PAOX: variants seen among roughly 807,000 people sequenced by gnomAD.
PAOX encodes peroxisomal N(1)-acetyl-spermine/spermidine oxidase.
A neutral mutation model predicts 39.0 loss-of-function variants in PAOX; 38 were observed. That is an observed-to-expected ratio of 0.97 (90% CI 0.75 to 1.28). The LOEUF (loss-of-function observed/expected upper bound fraction) is 1.28. Among genes scored for constraint, PAOX ranks in the 50% most tolerant of loss-of-function variants. The pLI, the probability that PAOX is intolerant of heterozygous loss-of-function variation, is 0.00. For synonymous variants in PAOX, 311 were observed against 314.4 expected, an observed-to-expected ratio of 0.99 and a Z score of 0.11; for missense variants, 667 against 685.7, an observed-to-expected ratio of 0.97 and a Z score of 0.30.
intron 2 of PAOX, among the ~76,000 whole-genome samples, chr10:133,380,969 C>G (rs572390380): frequency 1.3e-5 from 2 of 152,234 alleles, no homozygotes; most frequent in Non-Finnish European, 2.9e-5. Context: ...CAGAGTGAGA[C>G]TCCATCTCAA....
chr10:133,391,087 T>G lies in PAOX; in HGVS notation c.1393-225T>G, dbSNP rs1849666741. On this transcript the variant is annotated intron_variant, in intron 6 of 6. Coordinates refer to ENST00000278060, the MANE Select transcript of PAOX (RefSeq NM_152911.4). ...GCGTGTGAGCCGTTTTCCTGGCTGT[T>G]GATGGATACATGTGAGCTGTTTTCC... 3 of 654,174 alleles carry G rather than the reference T, an allele frequency of 4.6e-6. No individual in the cohort carries two copies. The East Asian group carries it at 8.0e-5, about 18-fold the overall frequency. The allele number at this position is 654,174 out of a possible 1,614,324, so 40.5% of individuals were successfully genotyped here.
chr10:133,380,655 A>G (rs761702228), intron 2 of PAOX, among the ~76,000 whole-genome samples, 170 bp downstream of exon 2: 21 of 152,236 alleles, frequency 1.4e-4, no homozygotes, highest in Non-Finnish European at 2.8e-4. Context: ...TTAAGCCAAA[A>G]AAGTTATTTC....
Position 133,379,279 on chromosome 10 carries a change from C to T in PAOX, c.-38C>T. On this transcript the variant is annotated 5_prime_UTR_variant, in exon 1 of 7. Coordinates refer to ENST00000278060, the MANE Select transcript of PAOX (RefSeq NM_152911.4). The stretch of plus-strand genomic sequence containing the variant: ...CCTCCTCCGAGAGCTCCAGACCTCC[C>T]GGCTACTCAGAAGCCCTCGGACTGC... 2 of 1,207,478 alleles carry T rather than the reference C, an allele frequency of 1.7e-6. No individual in the cohort carries two copies. Among genetic ancestry groups the T allele is most frequent in the South Asian group, 4.2e-5 (1 of 23,532 alleles). 74.8% of individuals were successfully genotyped at this position (1,207,478 alleles called of 1,614,324 possible). A position where few individuals can be genotyped will look rare whatever the true frequency, so the allele number is the denominator to read the frequency against.
chr10:133,391,064 G>A (rs527499172), intron 6 of PAOX: 32 of 697,680 alleles, frequency 4.6e-5, no homozygotes, highest in Non-Finnish European at 7.1e-5. Flanking sequence ...TGGTGGATGC[G>A]TGTGAGCCGT....
At chr10:133,388,825 TCCCGGGG>T in intron 4 of PAOX, 124 bp from the exon 5 acceptor site, 1 of 254,880 alleles carries the variant, frequency 3.9e-6, no homozygotes, top group Non-Finnish European at 6.8e-6. Flanking sequence ...GACACTGTCA[TCCCGGGG>T]CTCTCTTTCT....
chr10:133,380,477 C>G lies in PAOX; in HGVS notation c.660C>G (p.Thr220=), dbSNP rs1849335582. 1 of 1,605,804 alleles carries G rather than the reference C, an allele frequency of 6.2e-7. No individual in the cohort carries two copies. The highest frequency in any genetic ancestry group is 1.3e-5 in the African/African-American group (1 of 74,866). The part of the protein sequence containing the change: ...EYTVLPGLDC[T]FSKGYQGLTN... ...CCGTGCTGCCGGGGCTGGACTGCACCTTTTCTAAGTGCGTGCCTGAGCCCC... is the reference window on the plus strand; with the variant it reads ...CCGTGCTGCCGGGGCTGGACTGCACGTTTTCTAAGTGCGTGCCTGAGCCCC... Residue 220 remains threonine, a synonymous_variant, in exon 2 of 7, where the codon ACC becomes ACG. Transcript: ENST00000278060.
chr10:133,386,626 C>G (rs1428613152), intron 4 of PAOX, among the ~76,000 whole-genome samples: 1 of 151,966 alleles, frequency 6.6e-6, no homozygotes, highest in Admixed American at 6.6e-5. Context: ...AGGTGCCCAC[C>G]ACCACACCCG....
At chr10:133,381,330 C>A in intron 2 of PAOX, 130 bp from the exon 3 acceptor site, 1 of 818,004 alleles carries the variant, frequency 1.2e-6, no homozygotes, top group Non-Finnish European at 2.0e-6. Flanking sequence ...GACCTCCTTG[C>A]TGGCCCTGAG....
At chr10:133,382,557 G>A (rs183504586) in intron 3 of PAOX, among the ~76,000 whole-genome samples, 32 of 152,224 alleles carry the variant, frequency 2.1e-4, no homozygotes, top group Middle Eastern at 3.4e-3. Flanking sequence ...TGAGGCAGGC[G>A]GATCACCTGA....
chr10:133,381,750 G>A (rs990872721), intron 3 of PAOX, 91 bp downstream of exon 3: 22 of 1,338,062 alleles, frequency 1.6e-5, no homozygotes, highest in Non-Finnish European at 2.2e-5. Flanking sequence ...GTTTGCTTGT[G>A]TACGAAGCTC....
At chr10:133,385,524 G>T (rs575701120) in intron 4 of PAOX, among the ~76,000 whole-genome samples, 1 of 152,228 alleles carries the variant, frequency 6.6e-6, no homozygotes, top group African/African-American at 2.4e-5. Context: ...AAAGGGTTGG[G>T]GATCTCAAAG....
At chr10:133,385,805 G>C (rs944904015) in intron 4 of PAOX, among the ~76,000 whole-genome samples, 6 of 151,984 alleles carry the variant, frequency 3.9e-5, no homozygotes, top group Non-Finnish European at 7.4e-5. Flanking sequence ...GGATGGTCTC[G>C]ATCTCCTGAC....
At chr10:133,379,798 C>T (rs1849302334) in intron 1 of PAOX, 2 of 673,996 alleles carry the variant, frequency 3.0e-6, no homozygotes, top group Non-Finnish European at 4.5e-6. Flanking sequence ...TGGTCCACAC[C>T]GCCCGACAAG....
At chr10:133,383,394 C>T (rs1193227264) in intron 3 of PAOX, among the ~76,000 whole-genome samples, 3 of 151,096 alleles carry the variant, frequency 2.0e-5, no homozygotes. Context: ...CCTGAGGTCA[C>T]GAGTTCAAGA....
At position 133,384,344 on chromosome 10, in the gene PAOX, C is replaced by T; in HGVS notation, c.1121+132C>T. 7.2e-7 allele frequency: 1 copy of T among 1,387,882 alleles called. No homozygotes were observed. Among genetic ancestry groups the T allele is most frequent in the Non-Finnish European group, 9.8e-7 (1 of 1,025,434 alleles). The allele number at this position is 1,387,882 out of a possible 1,614,324, so 86.0% of individuals were successfully genotyped here. A position where few individuals can be genotyped will look rare whatever the true frequency, so the allele number is the denominator to read the frequency against. Reference sequence around the variant, plus strand: ...TAATGGGTAGGGTTCCCATGAGCGCCCCCCCACCAGGTGCTGGCTGCACCT... The same window carrying T: ...TAATGGGTAGGGTTCCCATGAGCGCTCCCCCACCAGGTGCTGGCTGCACCT... On this transcript the variant is annotated intron_variant, in intron 4 of 6. Coordinates refer to ENST00000278060, the MANE Select transcript of PAOX (RefSeq NM_152911.4). The surrounding 1 kb of genome is among the most constrained non-coding windows in gnomAD (Gnocchi z 4.3).
Position 133,391,434 on chromosome 10 carries a change from G to A in PAOX, c.1515G>A (p.Gln505=), listed in dbSNP as rs1229032004. Residue 505 remains glutamine, a synonymous_variant, in exon 7 of 7, where the codon CAG becomes CAA. Transcript: ENST00000278060. ...RLLSLWAPQV[Q]QPRPRL is the part of the protein sequence containing the mutation. The stretch of plus-strand genomic sequence containing the variant: ...TCAGTCTGTGGGCCCCGCAGGTGCA[G>A]CAGCCCAGGCCCAGGCTCTAGCTGG... The A allele has an allele frequency of 1.9e-6, 3 of 1,612,410 alleles. No individual in the cohort carries two copies. Among genetic ancestry groups the A allele is most frequent in the Non-Finnish European group, 2.5e-6 (3 of 1,179,888 alleles).
chr10:133,391,442 G>C lies in PAOX; in HGVS notation c.1523G>C (p.Arg508Thr), dbSNP rs1849681740. Residue 508 changes from arginine (R) to threonine (T), a missense_variant, in exon 7 of 7, where the codon AGG becomes ACG. Arg to Thr is a moderately conservative substitution (Grantham distance 71). Transcript: ENST00000278060. ...SLWAPQVQQP[R>T]PRL ...TGGGCCCCGCAGGTGCAGCAGCCCA[G>C]GCCCAGGCTCTAGCTGGGCCCAGCC... The C allele has an allele frequency of 6.2e-7, 1 of 1,612,294 alleles. No homozygotes were observed. Among genetic ancestry groups the C allele is most frequent in the African/African-American group, 1.3e-5 (1 of 74,932 alleles).
rs374919832 is a variant in PAOX at position 133,381,356 on chromosome 10, C to G, written c.669-104C>G. The G allele has an allele frequency of 4.5e-6, 5 of 1,111,950 alleles. No individual in the cohort carries two copies. In the East Asian group the frequency reaches 1.2e-4, roughly 28 times the overall value. 68.9% of individuals were successfully genotyped at this position (1,111,950 alleles called of 1,614,324 possible). A position where few individuals can be genotyped will look rare whatever the true frequency, so the allele number is the denominator to read the frequency against. On this transcript the variant is annotated intron_variant, in intron 2 of 6. Transcript: ENST00000278060. ...TGGCCCTGAGCGATGGAGAGCTCCC[C>G]GCAGCTACCTTTGATGCGGGTGGGA...
intron 4 of PAOX, among the ~76,000 whole-genome samples, chr10:133,385,229 G>A (rs1849499541): frequency 6.6e-6 from 1 of 152,146 alleles, no homozygotes; most frequent in African/African-American, 2.4e-5. Flanking sequence ...CTGGGAGGCA[G>A]AGGTTGCAGT....
Sources: allele counts gnomAD v4.1 joint callset (sites outside exome capture counted in the v4.1 genomes callset), GRCh38; gene constraint gnomAD v4.1.1; non-coding constraint Gnocchi (gnomAD v3.1); transcripts MANE v1.5; gene names NCBI Gene and HGNC (gene_info 2026-07-23, HGNC 2026-07-21).